The following ITGA9 variants were observed in gnomAD, a reference collection of about 807,000 sequenced individuals.
ITGA9 encodes integrin subunit alpha 9, also known as integrin alpha-9.
Under a neutral mutation model 127.8 loss-of-function variants are expected in ITGA9, and 56 were observed. The ratio of observed to expected loss-of-function variants is 0.44; its 90% confidence interval spans 0.35 to 0.55. The LOEUF (loss-of-function observed/expected upper bound fraction) is 0.55. Among genes scored for constraint, ITGA9 ranks in the 20% least tolerant of loss-of-function variants. The pLI is 0.00. For synonymous variants in ITGA9, 508 were observed against 514.5 expected (o/e 0.99, Z 0.17); for missense variants, 1,196 against 1,347.1 (o/e 0.89, Z 1.76).
intron 15 of ITGA9, among the ~76,000 whole-genome samples, chr3:37,558,873 C>A (rs1319804540): frequency 6.6e-6 from 1 of 152,220 alleles, no homozygotes; most frequent in East Asian, 1.9e-4. Flanking sequence ...CCCTGACCTG[C>A]GATTCCTCTC....
chr3:37,505,971 T>C (rs201683829), intron 6 of ITGA9, 29 bp from the exon 7 acceptor site: 3 of 1,501,654 alleles, frequency 2.0e-6, no homozygotes, highest in South Asian at 2.4e-5. Context: ...TTTTCAACCG[T>C]GTGCTTGGTT....
chr3:37,810,371 C>T (rs1275845321), intron 27 of ITGA9, among the ~76,000 whole-genome samples: 1 of 152,040 alleles, frequency 6.6e-6, no homozygotes, highest in African/African-American at 2.4e-5. Flanking sequence ...GGTGGCAGGC[C>T]CTGGGCAAAG....
Position 37,818,944 on chromosome 3 carries a change from G to T in ITGA9, c.3063G>T (p.Arg1021=). Residue 1021 remains arginine (R), a synonymous_variant, in exon 28 of 28, where the codon CGG becomes CGT. Coordinates refer to ENST00000264741, the MANE Select transcript of ITGA9 (RefSeq NM_002207.3). ...YKEIIEAEKN[R]KENEDSWDWV... is the part of the protein sequence containing the mutation. Reference sequence around the variant, plus strand: ...AAATTATCGAAGCTGAGAAGAACCGGAAAGAGAATGAAGACAGTTGGGACT... The same window carrying T: ...AAATTATCGAAGCTGAGAAGAACCGTAAAGAGAATGAAGACAGTTGGGACT... 1 of 1,614,190 alleles carries T rather than the reference G, an allele frequency of 6.2e-7. No homozygotes were observed. Among genetic ancestry groups the T allele is most frequent in the Non-Finnish European group, 8.5e-7 (1 of 1,180,020 alleles).
chr3:37,796,623 A>T (rs956636495), intron 26 of ITGA9, among the ~76,000 whole-genome samples: 1 of 152,182 alleles, frequency 6.6e-6, no homozygotes, highest in African/African-American at 2.4e-5. Context: ...CTCCCCCAAA[A>T]GATATAACAT....
At position 37,819,006 on chromosome 3, in the gene ITGA9, C is replaced by T. The variant is rs1053881614; in HGVS notation, c.*17C>T. Reference sequence around the variant, plus strand: ...AACCAGTGAGCTGCCACACCAGTCACATGACCTGATCACTAGCCTGTCATC... The same window carrying T: ...AACCAGTGAGCTGCCACACCAGTCATATGACCTGATCACTAGCCTGTCATC... On this transcript the variant is annotated 3_prime_UTR_variant, in exon 28 of 28. Transcript: ENST00000264741. The T allele has an allele frequency of 6.6e-7, 1 of 1,519,226 alleles. No homozygotes were observed. The highest frequency in any genetic ancestry group is 9.1e-7 in the Non-Finnish European group (1 of 1,093,438). 94.1% of individuals were successfully genotyped at this position (1,519,226 alleles called of 1,614,324 possible).
intron 17 of ITGA9, among the ~76,000 whole-genome samples, chr3:37,681,637 C>G (rs1049869589): frequency 3.9e-5 from 6 of 152,140 alleles, no homozygotes; most frequent in Admixed American, 6.5e-5. Flanking sequence ...TCCTTAATTA[C>G]GTCTTCCATT....
intron 17 of ITGA9, among the ~76,000 whole-genome samples, chr3:37,656,443 T>C (rs965316006): frequency 1.3e-5 from 2 of 152,226 alleles, no homozygotes; most frequent in Non-Finnish European, 2.9e-5. Flanking sequence ...TATTTTATTC[T>C]GTTTGTAGCA....
chr3:37,664,032 C>T (rs972456328), intron 17 of ITGA9, among the ~76,000 whole-genome samples: 5 of 152,274 alleles, frequency 3.3e-5, no homozygotes, highest in Non-Finnish European at 5.9e-5. Context: ...TTTACTGAGG[C>T]GGTGCAGAGG....
intron 26 of ITGA9, among the ~76,000 whole-genome samples, chr3:37,798,666 T>C (rs2125560294): frequency 6.6e-6 from 1 of 152,374 alleles, no homozygotes; most frequent in East Asian, 1.9e-4. Flanking sequence ...CCAGTAAAGA[T>C]AAAAATGATT....
intron 15 of ITGA9, among the ~76,000 whole-genome samples, chr3:37,613,781 G>C (rs557484864): frequency 5.3e-5 from 8 of 152,304 alleles, no homozygotes; most frequent in Admixed American, 6.5e-5. Context: ...AGTGTCTGTT[G>C]ATATCCTTTG....
chr3:37,736,991 G>A lies in ITGA9; in HGVS notation c.2234+8G>A, dbSNP rs200735233. On this transcript the variant is annotated splice_region_variant and intron_variant, in intron 20 of 27. Coordinates refer to ENST00000264741, the MANE Select transcript of ITGA9 (RefSeq NM_002207.3). Reference sequence around the variant, plus strand: ...CATTGTTACTGCTCAGAGGTAAGGGGGGGGTTTAAACACTTTTTTCAAAGA... The same window carrying A: ...CATTGTTACTGCTCAGAGGTAAGGGAGGGGTTTAAACACTTTTTTCAAAGA... 4 of 1,584,930 alleles carry A rather than the reference G, an allele frequency of 2.5e-6. No individual in the cohort carries two copies. The highest frequency in any genetic ancestry group is 1.4e-5 in the African/African-American group (1 of 73,718).
chr3:37,548,620 A>G (rs1028364652), intron 15 of ITGA9, among the ~76,000 whole-genome samples: 9 of 151,998 alleles, frequency 5.9e-5, no homozygotes, highest in African/African-American at 2.2e-4. Context: ...GACTAACCTG[A>G]TCTGATGCTT....
intron 26 of ITGA9, among the ~76,000 whole-genome samples, chr3:37,800,268 C>A (rs958582242): frequency 6.6e-6 from 1 of 152,190 alleles, no homozygotes; most frequent in Non-Finnish European, 1.5e-5. Context: ...TTACAGCTAA[C>A]CCCGCTGAGC....
chr3:37,657,395 G>T (rs1049483327), intron 17 of ITGA9, among the ~76,000 whole-genome samples: 1 of 152,096 alleles, frequency 6.6e-6, no homozygotes, highest in Non-Finnish European at 1.5e-5. Flanking sequence ...TCAGGGATTC[G>T]ACTTCTTCCT....
intron 4 of ITGA9, among the ~76,000 whole-genome samples, chr3:37,489,519 C>T (rs1698645184): frequency 6.6e-6 from 1 of 152,204 alleles, no homozygotes; most frequent in African/African-American, 2.4e-5. Context: ...GCTTTATGCA[C>T]TTTGTGTTTC....
chr3:37,657,063 C>T (rs963800418), intron 17 of ITGA9, among the ~76,000 whole-genome samples: 2 of 152,080 alleles, frequency 1.3e-5, no homozygotes, highest in Non-Finnish European at 2.9e-5. Context: ...GGTGGATAAA[C>T]TTTTTGATGT....
chr3:37,670,010 A>G (rs1451573605), intron 17 of ITGA9, among the ~76,000 whole-genome samples: 5 of 152,192 alleles, frequency 3.3e-5, no homozygotes, highest in African/African-American at 1.2e-4. Flanking sequence ...CTCCTTTAAG[A>G]AAGTTTTCTG....
intron 23 of ITGA9, among the ~76,000 whole-genome samples, chr3:37,764,977 T>A (rs1696763552): frequency 6.6e-6 from 1 of 152,254 alleles, no homozygotes; most frequent in African/African-American, 2.4e-5. Flanking sequence ...CTTGTCACTA[T>A]GTGAAATTAC....
At chr3:37,566,969 G>A (rs939746325) in intron 15 of ITGA9, among the ~76,000 whole-genome samples, 10 of 152,138 alleles carry the variant, frequency 6.6e-5, no homozygotes, top group East Asian at 1.9e-4. Flanking sequence ...CAAAATGCTC[G>A]CCTTCCTGGG....
Sources: gnomAD v4.1 joint callset for allele counts (sites outside exome capture counted in the v4.1 genomes callset) on GRCh38, gnomAD v4.1.1 for gene constraint, MANE v1.5 for transcripts, NCBI Gene and HGNC (gene_info 2026-07-23, HGNC 2026-07-21) for gene names.